NGEF: variants seen among roughly 807,000 people sequenced by gnomAD.
The protein encoded by NGEF is ephexin-1.
NGEF carries 31 observed loss-of-function variants against 80.9 expected under a neutral mutation model. That is an observed-to-expected ratio of 0.38 (90% confidence interval 0.29 to 0.52). The LOEUF is 0.52. Ranked by LOEUF, NGEF falls within the 20% of genes least tolerant of loss-of-function variation. The pLI is 0.84. For synonymous variants in NGEF, 371 were observed against 370.2 expected (o/e 1.00, Z -0.03); for missense variants, 709 against 926.2 (o/e 0.77, Z 3.04).
intron 3 of NGEF, among the ~76,000 whole-genome samples, chr2:232,939,779 C>A (rs1363889884): frequency 1.3e-5 from 2 of 152,062 alleles, no homozygotes; most frequent in African/African-American, 4.8e-5. Context: ...AGGTGGATCA[C>A]CTGAGGTCAG....
At chr2:232,992,919 A>G (rs935285956) in intron 1 of NGEF, among the ~76,000 whole-genome samples, 2 of 150,316 alleles carry the variant, frequency 1.3e-5, no homozygotes, top group Non-Finnish European at 2.9e-5. Context: ...CCCAGGAGGC[A>G]GAGGTTGCGG....
rs1342722624 is a variant in NGEF at position 232,899,117 on chromosome 2, A to G, written c.829-4201T>C. Among the ~76,000 whole-genome samples, 2 of 151,240 alleles carry G rather than the reference A, an allele frequency of 1.3e-5. 1 individual carries two copies. The highest frequency in any genetic ancestry group is 1.3e-4 in the Admixed American group (2 of 15,190). ...TGAGTATGTATGAAGGTGGGTGTGAATGTGTGCATGTGTGTGAAAGAGTAT... is the reference window on the plus strand; with the variant it reads ...TGAGTATGTATGAAGGTGGGTGTGAGTGTGTGCATGTGTGTGAAAGAGTAT... On this transcript the variant is annotated intron_variant, in intron 5 of 14. Transcript: ENST00000264051.
intron 5 of NGEF, among the ~76,000 whole-genome samples, chr2:232,905,067 T>TCCTCTCCCCTCTCC (rs1212343137): frequency 2.7e-5 from 4 of 150,396 alleles, no homozygotes; most frequent in Middle Eastern, 3.4e-3. Context: ...CTCTCCTCTC[T>TCCTCTCCCCTCTCC]CCTCTCCCCT....
chr2:232,882,864 C>CG (rs1385532673), intron 12 of NGEF, among the ~76,000 whole-genome samples: 3 of 152,182 alleles, frequency 2.0e-5, no homozygotes, highest in African/African-American at 7.2e-5. Context: ...GCTTGTCCCT[C>CG]GTGGGGGGCC....
chr2:233,007,611 T>A (rs1695113712), intron 1 of NGEF, among the ~76,000 whole-genome samples: 1 of 152,204 alleles, frequency 6.6e-6, no homozygotes, highest in Admixed American at 6.5e-5. Context: ...ATTTTGGCAT[T>A]TTCTGTGATA....
At chr2:232,928,255 G>T (rs1240867366) in intron 3 of NGEF, 3 of 763,234 alleles carry the variant, frequency 3.9e-6, no homozygotes, top group East Asian at 2.6e-4. Flanking sequence ...GCGGCGGGGC[G>T]GGGGCGCCCG....
rs67252740 is a variant in NGEF at position 232,879,420 on chromosome 2, G to GC, written c.*68dup. The GC allele has an allele frequency of 0.027, 32,650 of 1,221,480 alleles. 624 individuals are homozygous for GC. Among genetic ancestry groups the GC allele is most frequent in the South Asian group, 0.099 (6,353 of 64,186 alleles). 75.7% of individuals were successfully genotyped at this position (1,221,480 alleles called of 1,614,324 possible). The stretch of plus-strand genomic sequence containing the variant: ...GAGGTGCTGGCCTGTGCTTCCCAGA[G>GC]CCCCCCCCCCCCCACCTTCTGTCGG... On this transcript the variant is annotated 3_prime_UTR_variant, in exon 15 of 15. Transcript: ENST00000264051.
chr2:232,953,179 G>A (rs1198056619), intron 3 of NGEF, among the ~76,000 whole-genome samples: 1 of 151,120 alleles, frequency 6.6e-6, no homozygotes. Context: ...GCGCGTGCCT[G>A]TAATCCTAGC....
At chr2:233,000,652 C>T (rs1203030311) in intron 1 of NGEF, among the ~76,000 whole-genome samples, 1 of 151,574 alleles carries the variant, frequency 6.6e-6, no homozygotes, top group Admixed American at 6.6e-5. Context: ...CCCAGCTACT[C>T]AGGAGGCTGA....
intron 3 of NGEF, among the ~76,000 whole-genome samples, chr2:232,948,755 C>T (rs762569648): frequency 3.9e-5 from 6 of 152,130 alleles, no homozygotes; most frequent in Non-Finnish European, 7.3e-5. Context: ...CAGTGGCTCA[C>T]GCCTGTAATC....
At chr2:232,921,835 A>G (rs375738628) in intron 4 of NGEF, among the ~76,000 whole-genome samples, 1 of 152,120 alleles carries the variant, frequency 6.6e-6, no homozygotes, top group East Asian at 1.9e-4. Context: ...GCTCCTTGGG[A>G]GAGCCAGGAC....
chr2:232,920,257 G>A (rs1223916343), intron 5 of NGEF, 27 bp downstream of exon 5: 2 of 1,592,704 alleles, frequency 1.3e-6, no homozygotes, highest in African/African-American at 1.3e-5. Flanking sequence ...TGCTGTGGGG[G>A]AGCCCCCGCC....
rs1409874713 is a variant in NGEF at position 232,982,251 on chromosome 2, T to C, written c.-74-7287A>G. On this transcript the variant is annotated intron_variant, in intron 1 of 14. Coordinates refer to ENST00000264051, the MANE Select transcript of NGEF (RefSeq NM_019850.3). Reference sequence around the variant, plus strand: ...CAGGGCATCCGTGGAGATTGTGGGGTGTGTTAGGGTCCAGGTGGGGCAGGT... The same window carrying C: ...CAGGGCATCCGTGGAGATTGTGGGGCGTGTTAGGGTCCAGGTGGGGCAGGT... Among the ~76,000 whole-genome samples the C allele has an allele frequency of 2.6e-5, 4 of 151,682 alleles. No homozygotes were observed. The South Asian group carries it at 6.3e-4, about 24-fold the overall frequency.
intron 3 of NGEF, among the ~76,000 whole-genome samples, chr2:232,948,151 G>A (rs1337671358): frequency 7.5e-6 from 1 of 134,032 alleles, no homozygotes; most frequent in African/African-American, 3.2e-5. Flanking sequence ...CTGGAGATGT[G>A]TGTGTGTGTG....
chr2:232,927,197 G>A lies in NGEF; in HGVS notation c.384-11C>T. On this transcript the variant is annotated splice_polypyrimidine_tract_variant and intron_variant, in intron 3 of 14. Transcript: ENST00000264051. Reference sequence around the variant, plus strand: ...GTGGAGGACGACTCACTGCCAGAGAGGGAGGAGGACAGGGGCTGGTTATTT... The same window carrying A: ...GTGGAGGACGACTCACTGCCAGAGAAGGAGGAGGACAGGGGCTGGTTATTT... 6.3e-7 allele frequency: 1 copy of A among 1,575,710 alleles called. No homozygotes were observed. The highest frequency in any genetic ancestry group is 8.6e-7 in the Non-Finnish European group (1 of 1,164,000).
intron 14 of NGEF, among the ~76,000 whole-genome samples, chr2:232,880,430 G>A (rs569784831): frequency 6.6e-6 from 1 of 152,366 alleles, no homozygotes; most frequent in Admixed American, 6.5e-5. Flanking sequence ...GGGCAGGAGA[G>A]CCCCTGGGCC....
chr2:232,968,985 G>A (rs145154861), intron 3 of NGEF, among the ~76,000 whole-genome samples: 215 of 152,310 alleles, frequency 1.4e-3, no homozygotes, highest in African/African-American at 4.7e-3. Flanking sequence ...CCATGCAGGC[G>A]TGAAGGAGCC....
intron 5 of NGEF, among the ~76,000 whole-genome samples, chr2:232,904,374 A>G (rs1011748793): frequency 6.6e-6 from 1 of 152,096 alleles, no homozygotes; most frequent in Non-Finnish European, 1.5e-5. Flanking sequence ...AACTACAGGC[A>G]TGTGCCACCA....
chr2:232,955,583 G>C lies in NGEF; in HGVS notation c.383+14631C>G, dbSNP rs138586870. Among the ~76,000 whole-genome samples the C allele has an allele frequency of 1.4e-4, 22 of 152,270 alleles. No homozygotes were observed. In the East Asian group the frequency reaches 2.7e-3, roughly 19 times the overall value. Reference sequence around the variant, plus strand: ...CTGTTGCCCAGGCTGGAGTGCAGTGGTGCGATCTCACCGCAGCCTCCACCT... The same window carrying C: ...CTGTTGCCCAGGCTGGAGTGCAGTGCTGCGATCTCACCGCAGCCTCCACCT... On this transcript the variant is annotated intron_variant, in intron 3 of 14. Coordinates refer to ENST00000264051, the MANE Select transcript of NGEF (RefSeq NM_019850.3).
Sources: allele counts gnomAD v4.1 joint callset (sites outside exome capture counted in the v4.1 genomes callset), GRCh38; gene constraint gnomAD v4.1.1; transcripts MANE v1.5; gene names NCBI Gene and HGNC (gene_info 2026-07-23, HGNC 2026-07-21).